CPVL: variants seen among roughly 807,000 people sequenced by gnomAD.
The protein encoded by CPVL is carboxypeptidase vitellogenic like, also known as probable serine carboxypeptidase CPVL.
Under a neutral mutation model 63.7 loss-of-function variants are expected in CPVL, and 51 were observed. The observed-to-expected ratio is 0.80, with a 90% CI of 0.64 to 1.01. CPVL has a LOEUF of 1.01. Ranked by LOEUF, CPVL falls within the 50% of genes least tolerant of loss-of-function variation. CPVL has a pLI of 0.00. For synonymous variants in CPVL, 195 were observed against 206.0 expected, an observed-to-expected ratio of 0.95 and a Z score of 0.46; for missense variants, 530 against 573.1, an observed-to-expected ratio of 0.92 and a Z score of 0.77.
At chr7:29,067,759 T>A (rs1220452016) in intron 9 of CPVL, among the ~76,000 whole-genome samples, 1 of 152,148 alleles carries the variant, frequency 6.6e-6, no homozygotes, top group Non-Finnish European at 1.5e-5. Flanking sequence ...AGGTCTCTTA[T>A]CAGATAAGGT....
At chr7:29,134,854 C>A (rs1312352106) in intron 1 of CPVL, among the ~76,000 whole-genome samples, 1 of 152,054 alleles carries the variant, frequency 6.6e-6, no homozygotes, top group East Asian at 1.9e-4. Context: ...AATCCCAGAA[C>A]CTTGGGAGAC....
intron 11 of CPVL, among the ~76,000 whole-genome samples, chr7:29,045,153 CAT>C (rs376862852): frequency 6.6e-5 from 10 of 152,198 alleles, no homozygotes; most frequent in African/African-American, 9.6e-5. Flanking sequence ...TTTCATCTAA[CAT>C]AAAGTATGAA....
At chr7:29,067,688 C>T (rs931301329) in intron 9 of CPVL, among the ~76,000 whole-genome samples, 1 of 152,042 alleles carries the variant, frequency 6.6e-6, no homozygotes, top group Non-Finnish European at 1.5e-5. Context: ...GGAGTTCTTA[C>T]AAAAGAATTC....
At chr7:29,008,021 G>A (rs542941144) in intron 12 of CPVL, among the ~76,000 whole-genome samples, 1 of 152,292 alleles carries the variant, frequency 6.6e-6, no homozygotes, top group Non-Finnish European at 1.5e-5. Context: ...TAGATGGAGA[G>A]AGTTGCCAAG....
intron 1 of CPVL, among the ~76,000 whole-genome samples, chr7:29,139,725 G>A (rs1330262616): frequency 1.3e-5 from 2 of 152,132 alleles, no homozygotes; most frequent in Admixed American, 6.5e-5. Flanking sequence ...GGTTTTACAT[G>A]GAGTGTGCAG....
chr7:29,140,997 A>C (rs1174605591), intron 1 of CPVL, among the ~76,000 whole-genome samples: 3 of 152,216 alleles, frequency 2.0e-5, no homozygotes, highest in Admixed American at 2.0e-4. Context: ...AGGGGCTGGC[A>C]TTTCTGAGAG....
At chr7:29,061,032 C>A (rs1791222096) in intron 11 of CPVL, among the ~76,000 whole-genome samples, 1 of 152,158 alleles carries the variant, frequency 6.6e-6, no homozygotes, top group African/African-American at 2.4e-5. Context: ...TTTTTGGTGG[C>A]ATATTTTGTT....
At chr7:29,082,865 TAAC>T (rs1372766529) in intron 7 of CPVL, among the ~76,000 whole-genome samples, 1 of 152,224 alleles carries the variant, frequency 6.6e-6, no homozygotes, top group African/African-American at 2.4e-5. Flanking sequence ...ACATCATGGT[TAAC>T]AACATCACCA....
intron 9 of CPVL, 51 bp downstream of exon 9, chr7:29,071,722 C>T: frequency 8.3e-7 from 1 of 1,200,272 alleles, no homozygotes; most frequent in Non-Finnish European, 1.2e-6. Context: ...CGCCCTCCCT[C>T]CCCAGATGGT....
intron 6 of CPVL, among the ~76,000 whole-genome samples, chr7:29,087,261 T>C (rs1446824944): frequency 6.6e-6 from 1 of 151,676 alleles, no homozygotes; most frequent in African/African-American, 2.4e-5. Flanking sequence ...CCATCTCTAC[T>C]AAAAATACAA....
chr7:29,070,142 A>G (rs531074656), intron 9 of CPVL, among the ~76,000 whole-genome samples: 141 of 152,278 alleles, frequency 9.3e-4, no homozygotes, highest in African/African-American at 3.3e-3. Flanking sequence ...GGTCAAAAAG[A>G]CATTCCAAGC....
At chr7:29,177,271 T>C (rs1312821861) in intron 5 of CPVL, among the ~76,000 whole-genome samples, 1 of 139,470 alleles carries the variant, frequency 7.2e-6, no homozygotes, top group African/African-American at 2.7e-5. Flanking sequence ...TGTTTTGTTT[T>C]GAGACAGAGT....
chr7:29,155,827 A>G (rs1220095992), intron 5 of CPVL, among the ~76,000 whole-genome samples: 1 of 151,968 alleles, frequency 6.6e-6, no homozygotes, highest in Non-Finnish European at 1.5e-5. Context: ...GCCTCAGGAC[A>G]CCTGGAAAGG....
chr7:29,043,239 CT>C (rs113006758), intron 11 of CPVL, among the ~76,000 whole-genome samples: 77 of 146,934 alleles, frequency 5.2e-4, no homozygotes, highest in Admixed American at 1.7e-3. Context: ...TTTTCTTTAC[CT>C]TTTTTTTTTT....
At chr7:29,179,280 C>A (rs1312867182) in intron 5 of CPVL, among the ~76,000 whole-genome samples, 1 of 152,200 alleles carries the variant, frequency 6.6e-6, no homozygotes, top group African/African-American at 2.4e-5. Flanking sequence ...CCTTAAGAAC[C>A]ACCCCATCCC....
chr7:29,125,596 T>C (rs879366054), intron 1 of CPVL, among the ~76,000 whole-genome samples: 13 of 152,044 alleles, frequency 8.6e-5, no homozygotes, highest in Admixed American at 8.5e-4. Context: ...TTTCACCACG[T>C]TGGCCAGGCT....
At chr7:29,044,610 T>C (rs1018991717) in intron 11 of CPVL, among the ~76,000 whole-genome samples, 1 of 152,188 alleles carries the variant, frequency 6.6e-6, no homozygotes, top group African/African-American at 2.4e-5. Context: ...TCTCCTATTA[T>C]ACTATGACAT....
intron 12 of CPVL, among the ~76,000 whole-genome samples, chr7:29,021,877 CT>C (rs1265592509): frequency 6.6e-6 from 1 of 152,092 alleles, no homozygotes; most frequent in Non-Finnish European, 1.5e-5. Flanking sequence ...AGACACCCCC[CT>C]ACATCTACTC....
At chr7:29,047,687 G>A (rs939101389) in intron 11 of CPVL, among the ~76,000 whole-genome samples, 3 of 152,120 alleles carry the variant, frequency 2.0e-5, no homozygotes, top group African/African-American at 7.2e-5. Flanking sequence ...GAAGCACAAA[G>A]AACACCTGGG....
Sources: gnomAD v4.1 joint callset for allele counts (sites outside exome capture counted in the v4.1 genomes callset) on GRCh38, gnomAD v4.1.1 for gene constraint, MANE v1.5 for transcripts, NCBI Gene and HGNC (gene_info 2026-07-23, HGNC 2026-07-21) for gene names.